GNAI1: variants seen among roughly 807,000 people sequenced by gnomAD.
GNAI1 encodes guanine nucleotide-binding protein G(i) subunit alpha-1.
A neutral mutation model predicts 38.9 loss-of-function variants in GNAI1; 11 were observed. The ratio of observed to expected loss-of-function variants is 0.28; its 90% CI spans 0.18 to 0.47. The LOEUF (loss-of-function observed/expected upper bound fraction) is 0.47. Ranked by LOEUF, GNAI1 falls within the 20% of genes least tolerant of loss-of-function variation. The pLI is 0.99. For missense variants in GNAI1, 317 were observed against 436.9 expected (o/e 0.73, Z 2.45); for synonymous variants, 166 against 145.1 (o/e 1.14, Z -1.04).
intron 1 of GNAI1, among the ~76,000 whole-genome samples, chr7:80,168,891 A>G (rs1275419435): frequency 6.6e-6 from 1 of 152,166 alleles, no homozygotes; most frequent in African/African-American, 2.4e-5. Context: ...TTGACTAAAA[A>G]TATTTTATTA....
At position 80,208,946 on chromosome 7, in the gene GNAI1, A is replaced by G. The variant is rs188014250; in HGVS notation, c.591-2023A>G. On this transcript the variant is annotated intron_variant, in intron 5 of 7. Coordinates refer to ENST00000649796, the MANE Select transcript of GNAI1 (RefSeq NM_002069.6). ...TTCATTTCCTTCTGAGACCTCATTAAAAGCTCCTTTAACGTTTGTATATCT... is the reference window on the plus strand; with the variant it reads ...TTCATTTCCTTCTGAGACCTCATTAGAAGCTCCTTTAACGTTTGTATATCT... Among the ~76,000 whole-genome samples the G allele has an allele frequency of 4.6e-5, 7 of 152,288 alleles. No homozygotes were observed. The East Asian group carries it at 1.3e-3, about 29-fold the overall frequency.
At chr7:80,216,519 T>G (rs1245983268) in intron 7 of GNAI1, among the ~76,000 whole-genome samples, 1 of 152,214 alleles carries the variant, frequency 6.6e-6, no homozygotes, top group Non-Finnish European at 1.5e-5. Flanking sequence ...TCATACAGTA[T>G]GCGATCTTTT....
At chr7:80,212,940 T>A (rs1334882315) in intron 7 of GNAI1, 71 bp downstream of exon 7, 17 of 1,003,960 alleles carry the variant, frequency 1.7e-5, no homozygotes, top group Non-Finnish European at 2.5e-5. Context: ...AAGGCAAGAA[T>A]TCAGTTGTTA....
intron 1 of GNAI1, among the ~76,000 whole-genome samples, chr7:80,177,286 T>G (rs2428468): frequency 0.063 from 9,636 of 152,048 alleles, 390 homozygotes; most frequent in Non-Finnish European, 0.089. Context: ...CGCCTCAGCC[T>G]CCCAAAGTGC....
intron 1 of GNAI1, among the ~76,000 whole-genome samples, chr7:80,176,755 GGTGAAACCCCCA>G (rs890484475): frequency 1.1e-4 from 16 of 151,812 alleles, no homozygotes; most frequent in Non-Finnish European, 2.2e-4. Context: ...TGGCCAACAT[GGTGAAACCCCCA>G]TCTCTACTAA....
At chr7:80,135,704 T>G in intron 1 of GNAI1, 3 of 361,364 alleles carry the variant, frequency 8.3e-6, no homozygotes, top group Non-Finnish European at 7.1e-6. Flanking sequence ...GTGTGCGGTG[T>G]AGGTTGTGTT....
intron 1 of GNAI1, among the ~76,000 whole-genome samples, chr7:80,140,326 G>A (rs182763548): frequency 1.5e-4 from 23 of 152,310 alleles, no homozygotes; most frequent in Non-Finnish European, 2.8e-4. Context: ...GTTGTTGAAT[G>A]TCTCAGTGAT....
At chr7:80,208,007 G>T (rs557483839) in intron 5 of GNAI1, among the ~76,000 whole-genome samples, 1 of 151,872 alleles carries the variant, frequency 6.6e-6, no homozygotes, top group Non-Finnish European at 1.5e-5. Flanking sequence ...GTATAAATGC[G>T]TTATGCATTT....
At position 80,159,314 on chromosome 7, in the gene GNAI1, T is replaced by C. The variant is rs931440324; in HGVS notation, c.118+24036T>C. Among the ~76,000 whole-genome samples, 11 of 152,154 alleles carry C rather than the reference T, an allele frequency of 7.2e-5. 1 individual carries two copies. Among genetic ancestry groups the C allele is most frequent in the African/African-American group, 2.7e-4 (11 of 41,434 alleles). ...TACTCAGAAACATAGTTCTTAGGCT[T>C]GTACTTTGTTTTTAATCCAAGCTGT... On this transcript the variant is annotated intron_variant, in intron 1 of 7. Transcript: ENST00000649796.
intron 5 of GNAI1, among the ~76,000 whole-genome samples, chr7:80,207,549 T>C (rs1438315612): frequency 6.6e-6 from 1 of 152,104 alleles, no homozygotes; most frequent in Non-Finnish European, 1.5e-5. Context: ...CTTTGTCTTA[T>C]TTTGGATTTT....
At chr7:80,189,741 A>G (rs1788448176) in intron 3 of GNAI1, among the ~76,000 whole-genome samples, 1 of 152,226 alleles carries the variant, frequency 6.6e-6, no homozygotes, top group South Asian at 2.1e-4. Context: ...GAGAGCTAAA[A>G]GAGATTTTTG....
intron 1 of GNAI1, among the ~76,000 whole-genome samples, chr7:80,156,766 T>C (rs1302706952): frequency 2.0e-5 from 3 of 152,164 alleles, no homozygotes; most frequent in Non-Finnish European, 4.4e-5. Flanking sequence ...AAATGAATCA[T>C]TGCTTTCTAA....
At chr7:80,198,962 A>T (rs913335219) in intron 3 of GNAI1, among the ~76,000 whole-genome samples, 3 of 152,182 alleles carry the variant, frequency 2.0e-5, no homozygotes, top group African/African-American at 7.2e-5. Context: ...TATGAGCTGG[A>T]ACCTTAATTA....
chr7:80,179,539 G>A (rs1788254234), intron 1 of GNAI1, among the ~76,000 whole-genome samples: 1 of 152,216 alleles, frequency 6.6e-6, no homozygotes, highest in Admixed American at 6.5e-5. Context: ...GATGCTGGAA[G>A]TGTAGTATCC....
chr7:80,135,988 A>C, intron 1 of GNAI1: 2 of 985,226 alleles, frequency 2.0e-6, no homozygotes, highest in Non-Finnish European at 2.4e-6. Context: ...AGTGGTGAAA[A>C]CTGCTGTGAA....
At chr7:80,185,651 C>T (rs1163406963) in intron 1 of GNAI1, among the ~76,000 whole-genome samples, 4 of 152,138 alleles carry the variant, frequency 2.6e-5, no homozygotes, top group Non-Finnish European at 5.9e-5. Context: ...ACTTCTTTCT[C>T]TGCTGCAGCC....
intron 1 of GNAI1, among the ~76,000 whole-genome samples, chr7:80,144,277 G>A (rs908908443): frequency 2.7e-5 from 4 of 150,120 alleles, no homozygotes; most frequent in African/African-American, 7.4e-5. Context: ...ATTATGAAAC[G>A]TTAAGTTTAT....
intron 5 of GNAI1, among the ~76,000 whole-genome samples, chr7:80,204,344 C>G (rs60873462): frequency 9.9e-5 from 15 of 152,076 alleles, no homozygotes; most frequent in African/African-American, 3.4e-4. Context: ...TTAAAGTGTA[C>G]TGAATATCCA....
At chr7:80,141,815 G>T (rs1787530799) in intron 1 of GNAI1, among the ~76,000 whole-genome samples, 1 of 152,102 alleles carries the variant, frequency 6.6e-6, no homozygotes, top group Non-Finnish European at 1.5e-5. Context: ...TCATCTTAAT[G>T]TCCAGGTTCA....
Sources: allele counts gnomAD v4.1 joint callset (sites outside exome capture counted in the v4.1 genomes callset), GRCh38; gene constraint gnomAD v4.1.1; transcripts MANE v1.5; gene names NCBI Gene and HGNC (gene_info 2026-07-23, HGNC 2026-07-21).